The following ANK3 variants were observed in gnomAD, a reference collection of about 807,000 sequenced individuals.
ANK3 encodes the protein ankyrin 3, also known as ankyrin-3.
ANK3 carries 57 observed loss-of-function variants against 370.9 expected under a neutral mutation model. The observed-to-expected ratio is 0.15, with a 90% CI of 0.12 to 0.19. ANK3 has a LOEUF of 0.19. ANK3 is among the 10% of genes least tolerant of loss of function. ANK3 has a pLI of 1.00. For missense variants in ANK3, 4,439 were observed against 5,302.1 expected, an observed-to-expected ratio of 0.84 and a Z score of 5.06; for synonymous variants, 1,929 against 1,946.3, an observed-to-expected ratio of 0.99 and a Z score of 0.23.
chr10:60,387,028 C>T (rs577845797), intron 1 of ANK3, among the ~76,000 whole-genome samples: 2 of 152,030 alleles, frequency 1.3e-5, no homozygotes, highest in Admixed American at 1.3e-4. Context: ...GGCAGGGTGG[C>T]GGGTGCCTGT....
rs2132434321 is a variant in ANK3, at chr10:60,205,836, C to G, written c.1249G>C (p.Glu417Gln). Reference protein sequence around the residue: ...ACKKNRIKVMELLLKHGASIQ... With the variant: ...ACKKNRIKVMQLLLKHGASIQ... ...GATGCACCGTGTTTCAGAAGGAGTTCCATTACTTTAATTCGATTCTTCTTG... is the reference window on the plus strand; with the variant it reads ...GATGCACCGTGTTTCAGAAGGAGTTGCATTACTTTAATTCGATTCTTCTTG... Residue 417 changes from glutamate to glutamine, a missense_variant, in exon 11 of 44, where the codon GAA (glutamate) becomes CAA (glutamine). Physicochemically the swap from Glu to Gln is conservative, Grantham distance 29. Transcript: ENST00000280772. The G allele has an allele frequency of 6.2e-7, 1 of 1,614,038 alleles. No individual in the cohort carries two copies. The highest frequency in any genetic ancestry group is 2.2e-5 in the East Asian group (1 of 44,888).
At chr10:60,538,136 G>T (rs1478523085) in intron 2 of ANK3, among the ~76,000 whole-genome samples, 1 of 151,728 alleles carries the variant, frequency 6.6e-6, no homozygotes, top group East Asian at 1.9e-4. Context: ...TATTTGGGTT[G>T]GGTCATATGT....
chr10:60,418,416 G>T (rs1232147844), intron 2 of ANK3, among the ~76,000 whole-genome samples: 2 of 152,062 alleles, frequency 1.3e-5, no homozygotes, highest in Non-Finnish European at 2.9e-5. Context: ...TCACCAGGCT[G>T]CCCAAGTACC....
At chr10:60,591,481 G>T (rs769870489) in intron 2 of ANK3, among the ~76,000 whole-genome samples, 1 of 151,812 alleles carries the variant, frequency 6.6e-6, no homozygotes, top group African/African-American at 2.4e-5. Context: ...GCTAAAGTTA[G>T]CCAGAATCAC....
intron 2 of ANK3, among the ~76,000 whole-genome samples, chr10:60,549,279 A>G (rs1317432186): frequency 6.6e-6 from 1 of 152,154 alleles, no homozygotes; most frequent in Non-Finnish European, 1.5e-5. Flanking sequence ...TAGGTTTCAA[A>G]AGCTGTAGTT....
At chr10:60,356,499 T>C (rs1432539804) in intron 1 of ANK3, among the ~76,000 whole-genome samples, 1 of 152,004 alleles carries the variant, frequency 6.6e-6, no homozygotes, top group Non-Finnish European at 1.5e-5. Flanking sequence ...CTCATGAAGC[T>C]CCCTCAGAGA....
chr10:60,572,650 AGCAGCC>A, intron 2 of ANK3: 1 of 1,454,912 alleles, frequency 6.9e-7, no homozygotes, highest in Non-Finnish European at 9.0e-7. Context: ...CCCCAGGCAA[AGCAGCC>A]GCTGCTTAAA....
chr10:60,123,831 G>A (rs2093621965), intron 25 of ANK3, among the ~76,000 whole-genome samples: 1 of 152,238 alleles, frequency 6.6e-6, no homozygotes, highest in South Asian at 2.1e-4. Context: ...GCCACAGAAA[G>A]TAAAGGGCTA....
intron 2 of ANK3, among the ~76,000 whole-genome samples, chr10:60,404,582 T>C (rs771841001): frequency 2.6e-5 from 4 of 151,858 alleles, no homozygotes; most frequent in Non-Finnish European, 5.9e-5. Flanking sequence ...CCAAGAAAAA[T>C]CATACATCTA....
chr10:60,336,980 C>G (rs1389488490), intron 1 of ANK3, among the ~76,000 whole-genome samples: 1 of 151,272 alleles, frequency 6.6e-6, no homozygotes, highest in African/African-American at 2.4e-5. Flanking sequence ...TTTCAGGCTG[C>G]AGAAAGGAAT....
chr10:60,181,286 A>G, intron 18 of ANK3, 43 bp downstream of exon 18: 1 of 1,546,114 alleles, frequency 6.5e-7, no homozygotes, highest in South Asian at 1.1e-5. Context: ...GCAGTCACCA[A>G]ATGGACACAT....
At chr10:60,157,292 G>A (rs533572931) in intron 23 of ANK3, among the ~76,000 whole-genome samples, 5 of 148,818 alleles carry the variant, frequency 3.4e-5, no homozygotes, top group Non-Finnish European at 5.9e-5. Context: ...CTGCCTCAGC[G>A]TCCCAAAGTG....
intron 2 of ANK3, among the ~76,000 whole-genome samples, chr10:60,562,407 T>A (rs1214771585): frequency 6.8e-6 from 1 of 147,646 alleles, no homozygotes; most frequent in Non-Finnish European, 1.5e-5. Flanking sequence ...AGCATTTGTT[T>A]CGGGGGGGGC....
At chr10:60,610,707 T>C (rs17819756) in intron 2 of ANK3, among the ~76,000 whole-genome samples, 4,108 of 152,084 alleles carry the variant, frequency 0.027, 127 homozygotes, top group Admixed American at 0.085. Flanking sequence ...ATTAAACCTG[T>C]AGGAAAAAAA....
At chr10:60,259,579 C>T (rs1342295683) in intron 7 of ANK3, among the ~76,000 whole-genome samples, 1 of 152,190 alleles carries the variant, frequency 6.6e-6, no homozygotes, top group African/African-American at 2.4e-5. Flanking sequence ...GTCATTACCA[C>T]AGTCATTGTT....
At chr10:60,158,664 A>G (rs1320719171) in intron 23 of ANK3, among the ~76,000 whole-genome samples, 1 of 148,696 alleles carries the variant, frequency 6.7e-6, no homozygotes, top group Non-Finnish European at 1.5e-5. Flanking sequence ...TAAACATACT[A>G]CAAGAGAAAG....
At chr10:60,351,747 C>T (rs1215192653) in intron 1 of ANK3, among the ~76,000 whole-genome samples, 2 of 152,086 alleles carry the variant, frequency 1.3e-5, no homozygotes, top group African/African-American at 2.4e-5. Flanking sequence ...ACTGGGCAGC[C>T]ACAGATGGGC....
intron 23 of ANK3, among the ~76,000 whole-genome samples, chr10:60,163,452 A>G (rs968447511): frequency 6.6e-6 from 1 of 152,142 alleles, no homozygotes; most frequent in Non-Finnish European, 1.5e-5. Flanking sequence ...CAACTTTGCA[A>G]CTTGGCCCCA....
intron 1 of ANK3, among the ~76,000 whole-genome samples, chr10:60,351,261 G>T (rs1269335650): frequency 6.6e-6 from 1 of 152,140 alleles, no homozygotes; most frequent in Non-Finnish European, 1.5e-5. Context: ...TTCAGACTGG[G>T]AAAGTTTTTC....
Sources: allele counts gnomAD v4.1 joint callset (sites outside exome capture counted in the v4.1 genomes callset), GRCh38; gene constraint gnomAD v4.1.1; transcripts MANE v1.5; gene names NCBI Gene and HGNC (gene_info 2026-07-23, HGNC 2026-07-21).